Variants in PTPRT observed in about 807,000 individuals in gnomAD.
PTPRT encodes receptor-type tyrosine-protein phosphatase T.
PTPRT carries 56 observed loss-of-function variants against 176.8 expected under a neutral mutation model. The ratio of observed to expected loss-of-function variants is 0.32; its 90% CI spans 0.26 to 0.40. PTPRT has a LOEUF of 0.40. Ranked by LOEUF, PTPRT falls within the 10% of genes least tolerant of loss-of-function variation. The pLI, the probability that PTPRT is intolerant of heterozygous loss-of-function variation, is 1.00. For missense variants in PTPRT, 1,540 were observed against 1,908.2 expected, an observed-to-expected ratio of 0.81 and a Z score of 3.60; for synonymous variants, 783 against 739.0, an observed-to-expected ratio of 1.06 and a Z score of -0.96.
chr20:42,450,712 C>A (rs1297198013), intron 8 of PTPRT, among the ~76,000 whole-genome samples: 2 of 152,044 alleles, frequency 1.3e-5, no homozygotes, highest in Non-Finnish European at 2.9e-5. Context: ...CCTTATCCAC[C>A]CTTCCTTTCC....
the PTPRT span, among the ~76,000 whole-genome samples, chr20:42,034,218 C>T: frequency 6.6e-6 from 1 of 152,150 alleles, no homozygotes; most frequent in Non-Finnish European, 1.5e-5. Context: ...TGATCCACTT[C>T]CAAGCTCACG....
chr20:43,181,522 A>G (rs1304082210), intron 1 of PTPRT, among the ~76,000 whole-genome samples: 1 of 152,236 alleles, frequency 6.6e-6, no homozygotes, highest in Non-Finnish European at 1.5e-5. Flanking sequence ...TCAGCTTCTC[A>G]GTAATACTCA....
intron 4 of PTPRT, among the ~76,000 whole-genome samples, chr20:42,778,411 A>G (rs533652798): frequency 3.9e-5 from 6 of 152,190 alleles, no homozygotes; most frequent in African/African-American, 1.4e-4. Flanking sequence ...CCAGGTAGAG[A>G]GACTCATGCT....
At chr20:42,960,558 A>G (rs1278896495) in intron 1 of PTPRT, among the ~76,000 whole-genome samples, 1 of 152,112 alleles carries the variant, frequency 6.6e-6, no homozygotes, top group African/African-American at 2.4e-5. Flanking sequence ...TAATAGCAAA[A>G]TATCTCATGT....
chr20:42,846,881 A>G (rs531718174), intron 2 of PTPRT, among the ~76,000 whole-genome samples: 2 of 152,260 alleles, frequency 1.3e-5, no homozygotes, highest in East Asian at 3.9e-4. Context: ...GGAAGTAGGT[A>G]CCCTAGTGCT....
At chr20:42,563,651 A>T (rs1430449201) in intron 7 of PTPRT, among the ~76,000 whole-genome samples, 2 of 152,230 alleles carry the variant, frequency 1.3e-5, no homozygotes, top group African/African-American at 4.8e-5. Flanking sequence ...CATATAATGG[A>T]ATTATATGCA....
At chr20:42,785,615 G>A (rs2077277764) in intron 3 of PTPRT, among the ~76,000 whole-genome samples, 1 of 152,160 alleles carries the variant, frequency 6.6e-6, no homozygotes, top group Non-Finnish European at 1.5e-5. Flanking sequence ...GTGACGGTGT[G>A]TGTATAACAT....
intron 1 of PTPRT, among the ~76,000 whole-genome samples, chr20:42,917,924 G>A (rs1227200638): frequency 6.6e-6 from 1 of 152,174 alleles, no homozygotes; most frequent in African/African-American, 2.4e-5. Context: ...TGAAGGTGTA[G>A]GACTTGCTCA....
intron 1 of PTPRT, among the ~76,000 whole-genome samples, chr20:42,972,104 G>A (rs1174579370): frequency 9.4e-5 from 14 of 148,742 alleles, no homozygotes; most frequent in South Asian, 2.2e-4. Context: ...GATACTTGTC[G>A]TGAAATCTAA....
At chr20:42,141,083 G>A (rs1025325115) in intron 18 of PTPRT, among the ~76,000 whole-genome samples, 2 of 152,174 alleles carry the variant, frequency 1.3e-5, no homozygotes, top group Admixed American at 6.5e-5. Flanking sequence ...GGTGCCTACA[G>A]GAAAGGTAAA....
the PTPRT span, among the ~76,000 whole-genome samples, chr20:42,050,783 G>A: frequency 6.6e-6 from 1 of 152,282 alleles, no homozygotes; most frequent in Non-Finnish European, 1.5e-5. Flanking sequence ...AGGCTGACTC[G>A]GTAGCCTAGA....
chr20:42,084,545 GCC>G (rs1162561128), intron 29 of PTPRT, 135 bp downstream of exon 29: 1 of 690,948 alleles, frequency 1.4e-6, no homozygotes, highest in African/African-American at 1.9e-5. Flanking sequence ...TGAATGTACT[GCC>G]ACTAGCCTTT....
chr20:42,374,103 A>G (rs1472657950), intron 9 of PTPRT, among the ~76,000 whole-genome samples: 1 of 152,034 alleles, frequency 6.6e-6, no homozygotes, highest in East Asian at 1.9e-4. Context: ...AAAAGCAATG[A>G]CCTCAGTGTG....
chr20:42,479,556 A>G (rs749082688), intron 7 of PTPRT, among the ~76,000 whole-genome samples: 11 of 152,246 alleles, frequency 7.2e-5, no homozygotes, highest in Non-Finnish European at 1.5e-4. Flanking sequence ...TCTTCTTTCC[A>G]GCATCATCGA....
In PTPRT at chr20:42,386,491, G is replaced by C. The variant is rs78691876; in HGVS notation, c.1561-34206C>G. Reference sequence around the variant, plus strand: ...GGGAACAGCCACTGGGGATACCTGAGAGGAGTGGAACTGGACAAACCAAAG... The same window carrying C: ...GGGAACAGCCACTGGGGATACCTGACAGGAGTGGAACTGGACAAACCAAAG... On this transcript the variant is annotated intron_variant, in intron 9 of 30. Coordinates refer to ENST00000373187, the MANE Select transcript of PTPRT (RefSeq NM_007050.6). Among the ~76,000 whole-genome samples the C allele has an allele frequency of 4.8e-3, 734 of 152,302 alleles. 7 individuals are homozygous for C. Among genetic ancestry groups the C allele is most frequent in the African/African-American group, 0.017 (716 of 41,558 alleles).
chr20:43,057,551 C>A (rs1693712438), intron 1 of PTPRT, among the ~76,000 whole-genome samples: 1 of 152,182 alleles, frequency 6.6e-6, no homozygotes, highest in African/African-American at 2.4e-5. Flanking sequence ...TAAGGTAGAT[C>A]TCTAAGTTAA....
At chr20:43,132,278 C>A (rs1163490795) in intron 1 of PTPRT, among the ~76,000 whole-genome samples, 3 of 151,904 alleles carry the variant, frequency 2.0e-5, no homozygotes, top group Non-Finnish European at 4.4e-5. Flanking sequence ...TATAGAAAAA[C>A]TAAGATTTCA....
At position 42,972,285 on chromosome 20, in the gene PTPRT, G is replaced by C. The variant is rs80108789; in HGVS notation, c.89-86353C>G. On this transcript the variant is annotated intron_variant, in intron 1 of 30. Transcript: ENST00000373187. ...TGTTTTAGAAACAAGAAGTTGGAAA[G>C]TAATGGCTAGAGAAGAGAAAGTCAA... Among the ~76,000 whole-genome samples the C allele has an allele frequency of 5.0e-3, 755 of 151,338 alleles. 4 individuals are homozygous for C. The highest frequency in any genetic ancestry group is 0.018 in the African/African-American group (729 of 41,352).
At chr20:42,146,855 T>C (rs1988890793) in intron 17 of PTPRT, among the ~76,000 whole-genome samples, 1 of 152,232 alleles carries the variant, frequency 6.6e-6, no homozygotes, top group East Asian at 1.9e-4. Context: ...ATATCTATCC[T>C]ACCAGTTATA....
Sources: gnomAD v4.1 joint callset for allele counts (sites outside exome capture counted in the v4.1 genomes callset) on GRCh38, gnomAD v4.1.1 for gene constraint, MANE v1.5 for transcripts, NCBI Gene and HGNC (gene_info 2026-07-23, HGNC 2026-07-21) for gene names.